VSIG10: variants seen among roughly 807,000 people sequenced by gnomAD.
The protein encoded by VSIG10 is V-set and immunoglobulin domain-containing protein 10.
Under a neutral mutation model 58.7 loss-of-function variants are expected in VSIG10, and 48 were observed. The observed-to-expected ratio is 0.82, with a 90% CI of 0.65 to 1.04. The LOEUF is 1.04. Among genes scored for constraint, VSIG10 ranks in the 50% least tolerant of loss-of-function variants. VSIG10 has a pLI of 0.00. For synonymous variants in VSIG10, 260 were observed against 267.1 expected (o/e 0.97, Z 0.26); for missense variants, 628 against 670.0 (o/e 0.94, Z 0.69).
chr12:118,086,423 A>G (rs567666258), intron 2 of VSIG10, among the ~76,000 whole-genome samples: 1 of 152,148 alleles, frequency 6.6e-6, no homozygotes, highest in South Asian at 2.1e-4. Flanking sequence ...AGCCGAGATC[A>G]TGCCAGTGTG....
At chr12:118,075,926 TGAG>T (rs1474938333) in intron 4 of VSIG10, among the ~76,000 whole-genome samples, 1 of 152,172 alleles carries the variant, frequency 6.6e-6, no homozygotes, top group African/African-American at 2.4e-5. Context: ...ATTCCCAGAA[TGAG>T]GAGTTTTCAG....
chr12:118,098,345 C>T (rs1362499320), intron 1 of VSIG10, among the ~76,000 whole-genome samples: 1 of 117,928 alleles, frequency 8.5e-6, no homozygotes, highest in Non-Finnish European at 1.8e-5. Flanking sequence ...CCGCCTCTCC[C>T]TCTCTCTCCG....
intron 4 of VSIG10, among the ~76,000 whole-genome samples, chr12:118,076,567 G>A: frequency 6.6e-6 from 1 of 151,994 alleles, no homozygotes; most frequent in Non-Finnish European, 1.5e-5. Context: ...CAAACTCCTG[G>A]GCCCAAGCAA....
chr12:118,078,220 G>A (rs567164623), intron 4 of VSIG10, among the ~76,000 whole-genome samples: 1 of 152,292 alleles, frequency 6.6e-6, no homozygotes, highest in African/African-American at 2.4e-5. Flanking sequence ...GTGCAGTGGT[G>A]CGATCTCGGC....
chr12:118,096,578 CAAAA>C (rs371525608), intron 1 of VSIG10, among the ~76,000 whole-genome samples: 1 of 116,772 alleles, frequency 8.6e-6, no homozygotes. Flanking sequence ...AACTCCGTCT[CAAAA>C]AAAAAAAAAA....
intron 2 of VSIG10, among the ~76,000 whole-genome samples, chr12:118,094,208 A>G (rs1337190342): frequency 6.6e-6 from 1 of 150,826 alleles, no homozygotes; most frequent in African/African-American, 2.4e-5. Context: ...TCCTGGACCC[A>G]GGCAATCCTG....
chr12:118,081,833 A>G (rs2032959264), intron 3 of VSIG10, among the ~76,000 whole-genome samples: 1 of 152,178 alleles, frequency 6.6e-6, no homozygotes, highest in African/African-American at 2.4e-5. Flanking sequence ...CCTGACCAAC[A>G]TGGAGAAACC....
In VSIG10 at chr12:118,073,728, C is replaced by G. The variant is rs1687919889; in HGVS notation, c.1190G>C (p.Arg397Thr). The G allele has an allele frequency of 6.2e-7, 1 of 1,613,224 alleles. No individual in the cohort carries two copies. The highest frequency in any genetic ancestry group is 8.5e-7 in the Non-Finnish European group (1 of 1,179,534). ...CACACTCAGCCAGATTTCCATCTCC[C>G]TCACCCCTACAGGGCTGTCAGCTCG... ...ICRADSPVGV[R>T]EMEIWLSVKE... The change falls in exon 5 of 9, where the codon AGG (arginine) becomes ACG (threonine). Residue 397 changes from arginine (R) to threonine (T), a missense_variant. By Grantham distance (71) the Arg-to-Thr change is moderately conservative. Coordinates refer to ENST00000359236, the MANE Select transcript of VSIG10 (RefSeq NM_019086.6).
chr12:118,090,025 C>G lies in VSIG10; in HGVS notation c.361+5508G>C, dbSNP rs1200049846. On this transcript the variant is annotated intron_variant, in intron 2 of 8. Coordinates refer to ENST00000359236, the MANE Select transcript of VSIG10 (RefSeq NM_019086.6). The stretch of plus-strand genomic sequence containing the variant: ...TTCTCCTGCACACAGAATAAAATCA[C>G]AACTCCTAGCCAGGCACAATGGCTC... Among the ~76,000 whole-genome samples, 2 of 152,170 alleles carry G rather than the reference C, an allele frequency of 1.3e-5. 1 individual carries two copies. Among genetic ancestry groups the G allele is most frequent in the Non-Finnish European group, 2.9e-5 (2 of 68,038 alleles).
intron 3 of VSIG10, 95 bp from the exon 4 acceptor site, chr12:118,079,701 G>A (rs1770516477): frequency 1.3e-6 from 2 of 1,517,800 alleles, no homozygotes; most frequent in South Asian, 1.2e-5. Flanking sequence ...GGTCTCAGAG[G>A]GACATCAACC....
At chr12:118,068,070 C>A (rs989517009) in intron 8 of VSIG10, among the ~76,000 whole-genome samples, 7 of 135,102 alleles carry the variant, frequency 5.2e-5, no homozygotes, top group Non-Finnish European at 1.5e-5. Flanking sequence ...CTACTGCTGC[C>A]CAGACTGGAG....
chr12:118,080,674 C>T (rs925746563), intron 3 of VSIG10, among the ~76,000 whole-genome samples: 7 of 152,068 alleles, frequency 4.6e-5, no homozygotes, highest in South Asian at 2.1e-4. Context: ...ACGCAAGGAA[C>T]GGACTATTAT....
chr12:118,087,296 G>A (rs903868166), intron 2 of VSIG10, among the ~76,000 whole-genome samples: 12 of 151,720 alleles, frequency 7.9e-5, no homozygotes, highest in African/African-American at 2.4e-4. Context: ...GAATTGCCCC[G>A]GGCCTACAGA....
rs953323607 is a variant in VSIG10, at chr12:118,064,229, T to G, written c.*2410A>C. 1 of 152,220 alleles carries G rather than the reference T, an allele frequency of 6.6e-6. No individual in the cohort carries two copies. The highest frequency in any genetic ancestry group is 2.4e-5 in the African/African-American group (1 of 41,466). The allele number at this position is 152,220 out of a possible 1,614,324, so 9.4% of individuals were successfully genotyped here. ...GATTTTACCTGACCCAGGATATTAC[T>G]GTGCACACAGGACTCAGATATGTGA... On this transcript the variant is annotated 3_prime_UTR_variant, in exon 9 of 9. Transcript: ENST00000359236.
At chr12:118,068,271 G>T in intron 8 of VSIG10, 106 bp downstream of exon 8, 2 of 973,584 alleles carry the variant, frequency 2.1e-6, no homozygotes, top group Non-Finnish European at 1.4e-6. Flanking sequence ...CTGGGCTTAA[G>T]TGATCTTCCC....
Position 118,064,434 on chromosome 12 carries a change from A to AG in VSIG10, c.*2204dup, listed in dbSNP as rs202036639. On this transcript the variant is annotated 3_prime_UTR_variant, in exon 9 of 9. Transcript: ENST00000359236. ...CAAAACATTCTCTGTGTTCCTAGCT[A>AG]GGGTTTTTTTTTTTTTTCACCTCAA... 3.1e-4 allele frequency: 27 copies of AG among 87,708 alleles called. No individual in the cohort carries two copies. In the East Asian group the frequency reaches 0.011, roughly 35 times the overall value. 5.4% of individuals were successfully genotyped at this position (87,708 alleles called of 1,614,324 possible).
In VSIG10 at chr12:118,073,814, C is replaced by G; in HGVS notation, c.1104G>C (p.Gln368His). The G allele has an allele frequency of 6.2e-7, 1 of 1,613,968 alleles. No homozygotes were observed. Among genetic ancestry groups the G allele is most frequent in the Non-Finnish European group, 8.5e-7 (1 of 1,179,882 alleles). The change falls in exon 5 of 9, where the codon CAG becomes CAC. Residue 368 changes from glutamine (Q) to histidine (H), a missense_variant. Physicochemically the swap from Gln to His is conservative, Grantham distance 24. Coordinates refer to ENST00000359236, the MANE Select transcript of VSIG10 (RefSeq NM_019086.6). ...AGTTGTGGATAGTGAGGGTGGAGTT[C>G]TGGCCATCCTGGGTAATGAGATGGC... ...SSRHLITQDGQNSTLTIHNCS... is the reference protein window; with the variant it reads ...SSRHLITQDGHNSTLTIHNCS...
intron 4 of VSIG10, 45 bp from the exon 5 acceptor site, chr12:118,074,037 A>G: frequency 6.6e-7 from 1 of 1,509,656 alleles, no homozygotes; most frequent in Non-Finnish European, 8.9e-7. Context: ...AAAGAGATTC[A>G]AGTCATGGCC....
intron 4 of VSIG10, among the ~76,000 whole-genome samples, chr12:118,077,115 G>A (rs780918904): frequency 3.9e-5 from 6 of 152,042 alleles, no homozygotes; most frequent in Non-Finnish European, 8.8e-5. Flanking sequence ...ATCTACTGGG[G>A]GGACACAACT....
Sources: allele counts gnomAD v4.1 joint callset (sites outside exome capture counted in the v4.1 genomes callset), GRCh38; gene constraint gnomAD v4.1.1; transcripts MANE v1.5; gene names NCBI Gene and HGNC (gene_info 2026-07-23, HGNC 2026-07-21).